BMP5: variants seen among roughly 807,000 people sequenced by gnomAD.
BMP5 encodes the protein bone morphogenetic protein 5.
A neutral mutation model predicts 46.6 loss-of-function variants in BMP5; 23 were observed. That is an observed-to-expected ratio of 0.49 (90% CI 0.35 to 0.70). The LOEUF is 0.70. Ranked by LOEUF, BMP5 falls within the 30% of genes least tolerant of loss-of-function variation. The pLI, the probability that BMP5 is intolerant of heterozygous loss-of-function variation, is 0.00. For missense variants in BMP5, 545 were observed against 565.6 expected, an observed-to-expected ratio of 0.96 and a Z score of 0.37; for synonymous variants, 204 against 191.9, an observed-to-expected ratio of 1.06 and a Z score of -0.52.
At chr6:55,780,470 A>G (rs9349793) in intron 3 of BMP5, among the ~76,000 whole-genome samples, 1 of 131,716 alleles carries the variant, frequency 7.6e-6, no homozygotes, top group Non-Finnish European at 1.6e-5. Flanking sequence ...AAAAAAAAAA[A>G]AAAGAAAGAA....
At chr6:55,766,615 A>G (rs1774922448) in intron 4 of BMP5, among the ~76,000 whole-genome samples, 1 of 151,984 alleles carries the variant, frequency 6.6e-6, no homozygotes, top group Non-Finnish European at 1.5e-5. Context: ...TTGGCATTCC[A>G]TTCTGCACTC....
intron 3 of BMP5, among the ~76,000 whole-genome samples, chr6:55,785,875 G>T (rs1269194823): frequency 2.0e-5 from 3 of 151,720 alleles, no homozygotes; most frequent in Non-Finnish European, 3.0e-5. Context: ...GAAAAATTTA[G>T]ATTGAGTTTT....
At chr6:55,830,038 C>T (rs1432668874) in intron 1 of BMP5, among the ~76,000 whole-genome samples, 2 of 151,886 alleles carry the variant, frequency 1.3e-5, no homozygotes, top group Non-Finnish European at 2.9e-5. Context: ...TCATAAGTTT[C>T]CCTAATATCA....
chr6:55,779,699 T>C (rs998606643), intron 3 of BMP5, among the ~76,000 whole-genome samples: 9 of 152,176 alleles, frequency 5.9e-5, no homozygotes, highest in African/African-American at 1.9e-4. Context: ...TATTGTAATC[T>C]AGCTACAAAT....
At chr6:55,870,340 G>A (rs901874278) in intron 1 of BMP5, among the ~76,000 whole-genome samples, 1 of 152,058 alleles carries the variant, frequency 6.6e-6, no homozygotes, top group Non-Finnish European at 1.5e-5. Context: ...GATTATGAAT[G>A]TGAAGTGTTG....
chr6:55,765,221 C>T (rs984337958), intron 4 of BMP5, among the ~76,000 whole-genome samples: 3 of 151,790 alleles, frequency 2.0e-5, no homozygotes, highest in Non-Finnish European at 2.9e-5. Flanking sequence ...AGGCCAAAAA[C>T]CTTCATATAC....
At position 55,828,655 on chromosome 6, in the gene BMP5, T is replaced by A. The variant is rs115276381; in HGVS notation, c.491-8808A>T. Among the ~76,000 whole-genome samples the A allele has an allele frequency of 2.1e-3, 312 of 151,844 alleles. 1 individual carries two copies. Among genetic ancestry groups the A allele is most frequent in the South Asian group, 0.013 (63 of 4,826 alleles). On this transcript the variant is annotated intron_variant, in intron 1 of 6. Transcript: ENST00000370830. ...TATCTTGGTATATTTTAGGAACATT[T>A]TATTTAGAAAAAAATAATTATACTC...
intron 2 of BMP5, among the ~76,000 whole-genome samples, chr6:55,806,679 T>C (rs1013774682): frequency 2.0e-5 from 3 of 152,210 alleles, no homozygotes; most frequent in Non-Finnish European, 2.9e-5. Context: ...ATTTTCATTA[T>C]ATTGATTCTT....
intron 1 of BMP5, among the ~76,000 whole-genome samples, chr6:55,824,751 T>C (rs1210536860): frequency 6.6e-6 from 1 of 151,894 alleles, no homozygotes; most frequent in Non-Finnish European, 1.5e-5. Context: ...TTCTAATAAT[T>C]GTATTTAAAA....
At chr6:55,866,637 T>A (rs750103268) in intron 1 of BMP5, among the ~76,000 whole-genome samples, 50 of 152,186 alleles carry the variant, frequency 3.3e-4, no homozygotes, top group Non-Finnish European at 6.8e-4. Context: ...CCATACTGAA[T>A]TTTTTCATTG....
In BMP5 at chr6:55,859,106, C is replaced by T. The variant is rs78462846; in HGVS notation, c.490+15270G>A. 9.1e-4 allele frequency among the ~76,000 whole-genome samples: 138 copies of T among 152,058 alleles called. No individual in the cohort carries two copies. The East Asian group carries it at 0.015, about 16-fold the overall frequency. On this transcript the variant is annotated intron_variant, in intron 1 of 6. Coordinates refer to ENST00000370830, the MANE Select transcript of BMP5 (RefSeq NM_021073.4). ...ACAAACCTGCACGTTCTGCACATGA[C>T]GTGTATCCCACAACTTAAAGTAAAA...
rs915400161 is a variant in BMP5 at position 55,786,237 on chromosome 6, G to GT, written c.832+8041dup. Among the ~76,000 whole-genome samples the GT allele has an allele frequency of 2.6e-5, 4 of 151,714 alleles. No individual in the cohort carries two copies. The East Asian group carries it at 7.7e-4, about 29-fold the overall frequency. On this transcript the variant is annotated intron_variant, in intron 3 of 6. Transcript: ENST00000370830. The stretch of plus-strand genomic sequence containing the variant: ...TCACTGTACCCTCTCTACATATAGT[G>GT]TTTTTTTATACATGAATATAATGCT...
chr6:55,863,518 C>T (rs1469201814), intron 1 of BMP5, among the ~76,000 whole-genome samples: 1 of 152,088 alleles, frequency 6.6e-6, no homozygotes. Flanking sequence ...ATTGAAATAA[C>T]GCATAAAAAT....
At chr6:55,772,766 A>T (rs959233987) in intron 4 of BMP5, 15 of 985,046 alleles carry the variant, frequency 1.5e-5, no homozygotes, top group Non-Finnish European at 1.8e-5. Flanking sequence ...GCAGCATTTA[A>T]TTCAGTATAA....
At chr6:55,783,692 A>T (rs755604440) in intron 3 of BMP5, among the ~76,000 whole-genome samples, 6 of 152,054 alleles carry the variant, frequency 3.9e-5, no homozygotes, top group Non-Finnish European at 8.8e-5. Context: ...AATTGATATT[A>T]CCATGAAAAT....
chr6:55,790,426 C>T (rs1775550493), intron 3 of BMP5, among the ~76,000 whole-genome samples: 1 of 152,168 alleles, frequency 6.6e-6, no homozygotes, highest in Non-Finnish European at 1.5e-5. Context: ...AACCTGTAAT[C>T]ACAGTGGTGT....
At chr6:55,863,862 A>C (rs1349930359) in intron 1 of BMP5, among the ~76,000 whole-genome samples, 1 of 152,206 alleles carries the variant, frequency 6.6e-6, no homozygotes, top group Non-Finnish European at 1.5e-5. Flanking sequence ...AGAGGTGTGT[A>C]GCTTAGGAGC....
intron 5 of BMP5, 81 bp downstream of exon 5, chr6:55,760,376 A>G: frequency 7.6e-7 from 1 of 1,319,684 alleles, no homozygotes; most frequent in Non-Finnish European, 1.1e-6. Context: ...TATATTGGAA[A>G]ATTACTGCCA....
At chr6:55,807,492 G>A (rs557270918) in intron 2 of BMP5, among the ~76,000 whole-genome samples, 139 of 152,264 alleles carry the variant, frequency 9.1e-4, no homozygotes, top group Admixed American at 2.4e-3. Context: ...TTTTCACATC[G>A]ATGTTCATTA....
Sources: gnomAD v4.1 joint callset for allele counts (sites outside exome capture counted in the v4.1 genomes callset) on GRCh38, gnomAD v4.1.1 for gene constraint, MANE v1.5 for transcripts, NCBI Gene and HGNC (gene_info 2026-07-23, HGNC 2026-07-21) for gene names.